Variants in DOCK3 observed in about 807,000 individuals in gnomAD.
DOCK3 encodes dedicator of cytokinesis protein 3.
A neutral mutation model predicts 265.6 loss-of-function variants in DOCK3; 60 were observed. The observed-to-expected ratio is 0.23, with a 90% confidence interval of 0.18 to 0.28. DOCK3 has a LOEUF of 0.28. DOCK3 is among the 10% of genes least tolerant of loss of function. DOCK3 has a pLI of 1.00. For missense variants in DOCK3, 1,981 were observed against 2,594.3 expected (o/e 0.76, Z 5.14); for synonymous variants, 881 against 938.0 (o/e 0.94, Z 1.11).
At chr3:51,251,478 C>T (rs1169313811) in intron 22 of DOCK3, among the ~76,000 whole-genome samples, 1 of 152,166 alleles carries the variant, frequency 6.6e-6, no homozygotes, top group Non-Finnish European at 1.5e-5. Context: ...CTAATTTACA[C>T]TTCCACCAAC....
At chr3:50,746,884 C>T (rs572745692) in intron 1 of DOCK3, among the ~76,000 whole-genome samples, 1 of 152,200 alleles carries the variant, frequency 6.6e-6, no homozygotes, top group South Asian at 2.1e-4. Context: ...TACCAGGCCC[C>T]ACCTTTAACA....
chr3:51,015,427 CATTG>C (rs766783253), intron 5 of DOCK3, among the ~76,000 whole-genome samples: 4 of 151,798 alleles, frequency 2.6e-5, no homozygotes, highest in Admixed American at 6.6e-5. Context: ...TGATTTAGCA[CATTG>C]ATTGATTTGC....
At chr3:51,114,913 C>T (rs2083669482) in intron 9 of DOCK3, among the ~76,000 whole-genome samples, 1 of 150,582 alleles carries the variant, frequency 6.6e-6, no homozygotes. Context: ...GTTTGGTTTT[C>T]TGTTCCTGTG....
chr3:51,341,399 G>C lies in DOCK3; in HGVS notation c.3915+14G>C. 1 of 1,613,038 alleles carries C rather than the reference G, an allele frequency of 6.2e-7. No homozygotes were observed. The highest frequency in any genetic ancestry group is 1.1e-5 in the South Asian group (1 of 90,792). ...AACAAAGGCAAGGTATGCATCATTA[G>C]GCAAGCCCTTTAGCCCTTCAGCTTC... On this transcript the variant is annotated intron_variant, in intron 38 of 52. Coordinates refer to ENST00000266037, the MANE Select transcript of DOCK3 (RefSeq NM_004947.5).
At chr3:51,358,473 C>A (rs530054453) in intron 46 of DOCK3, among the ~76,000 whole-genome samples, 1 of 152,258 alleles carries the variant, frequency 6.6e-6, no homozygotes, top group East Asian at 1.9e-4. Context: ...CTTCTCTCCC[C>A]ATCTCCCTCC....
chr3:50,797,380 G>A (rs1333277480), intron 2 of DOCK3, among the ~76,000 whole-genome samples: 1 of 152,210 alleles, frequency 6.6e-6, no homozygotes, highest in African/African-American at 2.4e-5. Flanking sequence ...CAAGGGCAGG[G>A]CATTGGAAGG....
chr3:51,085,171 A>G (rs2082375718), intron 7 of DOCK3, among the ~76,000 whole-genome samples: 1 of 152,238 alleles, frequency 6.6e-6, no homozygotes, highest in South Asian at 2.1e-4. Context: ...GCACCCAGAT[A>G]TATAAGCAAA....
intron 9 of DOCK3, among the ~76,000 whole-genome samples, chr3:51,140,806 G>C (rs1259561477): frequency 6.6e-6 from 1 of 151,948 alleles, no homozygotes; most frequent in Non-Finnish European, 1.5e-5. Flanking sequence ...GGTGTGACGT[G>C]GTACCCTCAT....
intron 2 of DOCK3, among the ~76,000 whole-genome samples, chr3:50,800,473 A>G (rs1358520463): frequency 5.3e-5 from 8 of 152,084 alleles, no homozygotes; most frequent in African/African-American, 1.7e-4. Context: ...ATTTATTGAC[A>G]TATTTCATAG....
intron 1 of DOCK3, among the ~76,000 whole-genome samples, chr3:50,680,113 T>C (rs2034280127): frequency 6.6e-6 from 1 of 152,208 alleles, no homozygotes; most frequent in African/African-American, 2.4e-5. Flanking sequence ...TATATGACTG[T>C]GGCTTGAAAG....
chr3:51,032,854 A>G (rs905698968), intron 5 of DOCK3, among the ~76,000 whole-genome samples: 3 of 152,110 alleles, frequency 2.0e-5, no homozygotes, highest in East Asian at 1.9e-4. Flanking sequence ...TGAGGCAGCA[A>G]TGAGCTGTGA....
At chr3:50,830,199 C>G (rs886180059) in intron 2 of DOCK3, among the ~76,000 whole-genome samples, 2 of 151,896 alleles carry the variant, frequency 1.3e-5, no homozygotes, top group Non-Finnish European at 2.9e-5. Context: ...ATTGATGCAC[C>G]AAAGTGAAAA....
chr3:50,894,914 G>A (rs895879655), intron 4 of DOCK3, among the ~76,000 whole-genome samples: 3 of 152,076 alleles, frequency 2.0e-5, no homozygotes, highest in Admixed American at 6.6e-5. Context: ...TTAAAACAAT[G>A]TTCTGTTGAA....
intron 5 of DOCK3, among the ~76,000 whole-genome samples, chr3:51,047,563 AAAG>A (rs1226953011): frequency 6.6e-6 from 1 of 152,154 alleles, no homozygotes; most frequent in Non-Finnish European, 1.5e-5. Context: ...TTCAGAACTG[AAAG>A]AAGAGACATT....
At chr3:50,941,933 G>C (rs1173012425) in intron 5 of DOCK3, among the ~76,000 whole-genome samples, 2 of 152,056 alleles carry the variant, frequency 1.3e-5, no homozygotes, top group East Asian at 3.8e-4. Flanking sequence ...CTTAATATGA[G>C]AGAGTGTCTT....
chr3:50,893,265 TA>T, intron 4 of DOCK3: 1 of 306,198 alleles, frequency 3.3e-6, no homozygotes, highest in Non-Finnish European at 6.4e-6. Flanking sequence ...TAACAGACCC[TA>T]AAGAAAAGGA....
chr3:50,918,287 G>C (rs78367270), intron 4 of DOCK3, among the ~76,000 whole-genome samples: 21,550 of 152,070 alleles, frequency 0.14, 1,861 homozygotes, highest in African/African-American at 0.21. Context: ...TAATGGGATG[G>C]CTGGGTCAAA....
chr3:51,146,724 T>G, intron 10 of DOCK3, 94 bp downstream of exon 10: 1 of 1,117,556 alleles, frequency 8.9e-7, no homozygotes, highest in South Asian at 1.4e-5. Flanking sequence ...CATTTAGTCT[T>G]ATTTCCATAT....
chr3:51,101,342 G>A (rs1176965415), intron 9 of DOCK3, among the ~76,000 whole-genome samples: 1 of 151,836 alleles, frequency 6.6e-6, no homozygotes, highest in Non-Finnish European at 1.5e-5. Context: ...GGATGGTCTC[G>A]ATCTCCTGAC....
Sources: gnomAD v4.1 joint callset for allele counts (sites outside exome capture counted in the v4.1 genomes callset) on GRCh38, gnomAD v4.1.1 for gene constraint, MANE v1.5 for transcripts, NCBI Gene and HGNC (gene_info 2026-07-23, HGNC 2026-07-21) for gene names.